The following SLC25A31 variants were observed in gnomAD, a reference collection of about 807,000 sequenced individuals.
The protein encoded by SLC25A31 is ADP/ATP translocase 4.
Under a neutral mutation model 36.2 loss-of-function variants are expected in SLC25A31, and 40 were observed. The ratio of observed to expected loss-of-function variants is 1.10; its 90% CI spans 0.86 to 1.44. The LOEUF (loss-of-function observed/expected upper bound fraction) is 1.44. SLC25A31 is among the 40% of genes most tolerant of loss of function. The pLI, the probability that SLC25A31 is intolerant of heterozygous loss-of-function variation, is 0.00. For missense variants in SLC25A31, 350 were observed against 397.1 expected (o/e 0.88, Z 1.01); for synonymous variants, 143 against 149.7 (o/e 0.96, Z 0.32).
At chr4:127,742,892 T>G (rs1204883256) in intron 1 of SLC25A31, among the ~76,000 whole-genome samples, 3 of 152,212 alleles carry the variant, frequency 2.0e-5, no homozygotes, top group Admixed American at 2.0e-4. Context: ...CATTGGTTGT[T>G]AAGAGCATGT....
Position 127,768,830 on chromosome 4 carries a change from A to G in SLC25A31, c.712A>G (p.Ile238Val). The G allele has an allele frequency of 1.2e-6, 2 of 1,608,788 alleles. No individual in the cohort carries two copies. The highest frequency in any genetic ancestry group is 1.7e-6 in the Non-Finnish European group (2 of 1,177,704). ...IAQVVTTCSGILSYPFDTVRR... is the reference protein window; with the variant it reads ...IAQVVTTCSGVLSYPFDTVRR... Reference sequence around the variant, plus strand: ...TCAAGTTGTGACTACATGCTCTGGAATACTTTCTTATCCCTTTGACACAGT... The same window carrying G: ...TCAAGTTGTGACTACATGCTCTGGAGTACTTTCTTATCCCTTTGACACAGT... Residue 238 changes from isoleucine (I) to valine (V), a missense_variant, in exon 5 of 6, where the codon ATA (isoleucine) becomes GTA (valine). Coordinates refer to ENST00000281154, the MANE Select transcript of SLC25A31 (RefSeq NM_031291.4).
At chr4:127,762,100 A>G (rs192021352) in intron 2 of SLC25A31, among the ~76,000 whole-genome samples, 5 of 152,376 alleles carry the variant, frequency 3.3e-5, no homozygotes, top group Admixed American at 2.6e-4. Context: ...TACTTATTTA[A>G]TACATATCTC....
intron 2 of SLC25A31, among the ~76,000 whole-genome samples, chr4:127,748,121 C>A (rs1731857700): frequency 6.6e-6 from 1 of 152,156 alleles, no homozygotes; most frequent in South Asian, 2.1e-4. Context: ...AGTTTCTGGT[C>A]CCCTTCCAGA....
chr4:127,758,270 A>G (rs1284541843), intron 2 of SLC25A31, among the ~76,000 whole-genome samples: 1 of 152,288 alleles, frequency 6.6e-6, no homozygotes, highest in Non-Finnish European at 1.5e-5. Context: ...TTTGTTGGCC[A>G]GTTGTCTGTC....
intron 1 of SLC25A31, among the ~76,000 whole-genome samples, chr4:127,731,405 A>C (rs2148750789): frequency 6.6e-6 from 1 of 151,870 alleles, no homozygotes; most frequent in East Asian, 1.9e-4. Flanking sequence ...AGTCATCAAG[A>C]TAAAAAGTAT....
At chr4:127,735,807 C>A (rs200220118) in intron 1 of SLC25A31, among the ~76,000 whole-genome samples, 898 of 104,736 alleles carry the variant, frequency 8.6e-3, no homozygotes, top group African/African-American at 0.012. Context: ...ACCTCCCCTG[C>A]AAAAAAAAAA....
chr4:127,755,270 T>C (rs72616945), intron 2 of SLC25A31, among the ~76,000 whole-genome samples: 4,626 of 152,200 alleles, frequency 0.03, 303 homozygotes, highest in East Asian at 0.26. Flanking sequence ...GCAAAACTTA[T>C]AGACAGATGG....
At chr4:127,758,047 AG>A (rs934055349) in intron 2 of SLC25A31, among the ~76,000 whole-genome samples, 10 of 152,138 alleles carry the variant, frequency 6.6e-5, no homozygotes, top group Non-Finnish European at 1.0e-4. Flanking sequence ...AGGAAGCAAA[AG>A]TGGAAACCCC....
intron 2 of SLC25A31, among the ~76,000 whole-genome samples, chr4:127,763,942 G>T (rs545850144): frequency 6.6e-6 from 1 of 152,192 alleles, no homozygotes; most frequent in African/African-American, 2.4e-5. Context: ...ACAGCGTAAA[G>T]AGATGATTAT....
chr4:127,764,823 A>C (rs573730433), intron 3 of SLC25A31, among the ~76,000 whole-genome samples: 1 of 152,288 alleles, frequency 6.6e-6, no homozygotes, highest in Non-Finnish European at 1.5e-5. Flanking sequence ...GTGAAAAAAA[A>C]TAAATTGAGC....
chr4:127,753,368 A>G (rs570560803), intron 2 of SLC25A31, among the ~76,000 whole-genome samples: 1 of 152,240 alleles, frequency 6.6e-6, no homozygotes, highest in African/African-American at 2.4e-5. Flanking sequence ...TAGAGATAAA[A>G]GATTTTTAAA....
Position 127,773,496 on chromosome 4 carries a change from C to T in SLC25A31, c.870C>T (p.Arg290=), listed in dbSNP as rs145317124. 4.4e-4 allele frequency: 710 copies of T among 1,613,814 alleles called. 2 individuals are homozygous for T. The highest frequency in any genetic ancestry group is 2.0e-3 in the East Asian group (89 of 44,858). ...GTGGCGCCTTCTCCAATGTTCTTCGCGGTACAGGGGGTGCTTTGGTGTTGG... is the reference window on the plus strand; with the variant it reads ...GTGGCGCCTTCTCCAATGTTCTTCGTGGTACAGGGGGTGCTTTGGTGTTGG... The part of the protein sequence containing the change: ...FFRGAFSNVL[R]GTGGALVLVL... The change falls in exon 6 of 6, where the codon CGC becomes CGT. Residue 290 remains arginine, a synonymous_variant. Coordinates refer to ENST00000281154, the MANE Select transcript of SLC25A31 (RefSeq NM_031291.4).
At chr4:127,763,753 G>T (rs1732185735) in intron 2 of SLC25A31, among the ~76,000 whole-genome samples, 1 of 152,114 alleles carries the variant, frequency 6.6e-6, no homozygotes, top group Non-Finnish European at 1.5e-5. Context: ...TGAAGCTGGG[G>T]CATTGTGAAG....
chr4:127,763,354 A>G (rs1046340994), intron 2 of SLC25A31, among the ~76,000 whole-genome samples: 8 of 152,206 alleles, frequency 5.3e-5, no homozygotes, highest in Non-Finnish European at 7.3e-5. Context: ...GCTGTCTGAC[A>G]CTTTATTGTT....
intron 2 of SLC25A31, among the ~76,000 whole-genome samples, chr4:127,753,999 G>C (rs1731984517): frequency 6.6e-6 from 1 of 152,080 alleles, no homozygotes; most frequent in African/African-American, 2.4e-5. Flanking sequence ...GAGAAATAAG[G>C]ATAGTTCAAT....
At chr4:127,742,729 A>G (rs767092405) in intron 1 of SLC25A31, among the ~76,000 whole-genome samples, 1 of 152,130 alleles carries the variant, frequency 6.6e-6, no homozygotes, top group Non-Finnish European at 1.5e-5. Context: ...TGTGGTATCA[A>G]ATTAGGTTAT....
chr4:127,748,979 T>A (rs1731872312), intron 2 of SLC25A31, among the ~76,000 whole-genome samples: 1 of 151,908 alleles, frequency 6.6e-6, no homozygotes, highest in African/African-American at 2.4e-5. Context: ...ATAATTATCT[T>A]AAAGAATCTT....
chr4:127,751,458 C>G (rs1731930670), intron 2 of SLC25A31, among the ~76,000 whole-genome samples: 1 of 152,164 alleles, frequency 6.6e-6, no homozygotes, highest in Non-Finnish European at 1.5e-5. Context: ...AGACCTAAAA[C>G]CATAAAAACC....
chr4:127,759,210 T>TG (rs1329754131), intron 2 of SLC25A31, among the ~76,000 whole-genome samples: 4 of 150,534 alleles, frequency 2.7e-5, no homozygotes, highest in African/African-American at 9.8e-5. Flanking sequence ...TGTATTCCTA[T>TG]GGTTTTTTTT....
Sources: allele counts gnomAD v4.1 joint callset (sites outside exome capture counted in the v4.1 genomes callset), GRCh38; gene constraint gnomAD v4.1.1; transcripts MANE v1.5; gene names NCBI Gene and HGNC (gene_info 2026-07-23, HGNC 2026-07-21).